NCAM2: variants seen among roughly 807,000 people sequenced by gnomAD.
NCAM2 encodes neural cell adhesion molecule 2, also known as N-CAM-2.
A neutral mutation model predicts 98.1 loss-of-function variants in NCAM2; 30 were observed. That is an observed-to-expected ratio of 0.31 (90% confidence interval 0.23 to 0.41). The LOEUF is 0.41. Among genes scored for constraint, NCAM2 ranks in the 10% least tolerant of loss-of-function variants. NCAM2 has a pLI of 1.00. For synonymous variants in NCAM2, 368 were observed against 342.4 expected (o/e 1.07, Z -0.83); for missense variants, 867 against 1,005.8 (o/e 0.86, Z 1.87).
At chr21:21,096,157 G>C (rs1390530270) in intron 1 of NCAM2, among the ~76,000 whole-genome samples, 3 of 151,624 alleles carry the variant, frequency 2.0e-5, no homozygotes, top group African/African-American at 7.2e-5. Flanking sequence ...ACATTCTTGT[G>C]AGCAAGGGTA....
chr21:21,179,222 C>T (rs1017243550), intron 1 of NCAM2, among the ~76,000 whole-genome samples: 3 of 151,676 alleles, frequency 2.0e-5, no homozygotes, highest in Non-Finnish European at 4.4e-5. Context: ...ATATCTTAAA[C>T]AAAGTAATAA....
chr21:21,088,530 A>G (rs1413096175), intron 1 of NCAM2, among the ~76,000 whole-genome samples: 1 of 152,216 alleles, frequency 6.6e-6, no homozygotes, highest in African/African-American at 2.4e-5. Context: ...TTCAAACCAC[A>G]TATAACAACC....
At position 21,417,389 on chromosome 21, in the gene NCAM2, C is replaced by T. The variant is rs568280056; in HGVS notation, c.1384-1084C>T. Among the ~76,000 whole-genome samples the T allele has an allele frequency of 1.3e-5, 2 of 152,116 alleles. 1 individual carries two copies. The highest frequency in any genetic ancestry group is 4.1e-4 in the South Asian group (2 of 4,832). On this transcript the variant is annotated intron_variant, in intron 10 of 17. Coordinates refer to ENST00000400546, the MANE Select transcript of NCAM2 (RefSeq NM_004540.5). ...TTCCTATGATCTGTTTCTAGATGGA[C>T]AGCTGACTAGAAAACGAATGACACA...
chr21:21,216,994 C>T (rs1215662538), intron 1 of NCAM2, among the ~76,000 whole-genome samples: 1 of 152,152 alleles, frequency 6.6e-6, no homozygotes, highest in Non-Finnish European at 1.5e-5. Flanking sequence ...CAATCATAAA[C>T]TCCCCAAAGA....
At chr21:21,089,362 A>C (rs2146440277) in intron 1 of NCAM2, among the ~76,000 whole-genome samples, 1 of 152,284 alleles carries the variant, frequency 6.6e-6, no homozygotes, top group African/African-American at 2.4e-5. Flanking sequence ...ATTTTGGCCC[A>C]AAACCTATGA....
At chr21:21,503,908 A>G (rs1023241097) in intron 15 of NCAM2, among the ~76,000 whole-genome samples, 1 of 151,842 alleles carries the variant, frequency 6.6e-6, no homozygotes, top group Admixed American at 6.6e-5. Flanking sequence ...CATTTTTCAT[A>G]ACAGCAATAC....
chr21:21,476,314 G>A (rs1985160569), intron 14 of NCAM2, among the ~76,000 whole-genome samples: 1 of 152,056 alleles, frequency 6.6e-6, no homozygotes, highest in Non-Finnish European at 1.5e-5. Context: ...TATGGAAACA[G>A]TTATATCCTA....
chr21:21,172,541 A>G (rs561721802), intron 1 of NCAM2, among the ~76,000 whole-genome samples: 124 of 152,276 alleles, frequency 8.1e-4, no homozygotes, highest in African/African-American at 2.9e-3. Context: ...AGTTTTAGTC[A>G]TATATAACTA....
intron 1 of NCAM2, among the ~76,000 whole-genome samples, chr21:21,047,060 AG>A (rs1191192961): frequency 1.3e-5 from 1 of 77,018 alleles, no homozygotes; most frequent in Non-Finnish European, 2.5e-5. Flanking sequence ...CTTTTTTTTG[AG>A]AGGGGTGTGT....
intron 1 of NCAM2, among the ~76,000 whole-genome samples, chr21:21,129,853 C>T (rs763908969): frequency 6.6e-6 from 1 of 152,152 alleles, no homozygotes; most frequent in Non-Finnish European, 1.5e-5. Context: ...CGAGGATCTG[C>T]TTATGCAGCT....
chr21:21,195,782 C>A (rs2146989960), intron 1 of NCAM2, among the ~76,000 whole-genome samples: 1 of 152,252 alleles, frequency 6.6e-6, no homozygotes, highest in East Asian at 1.9e-4. Context: ...AATGCACACT[C>A]CAAAGTGTAA....
At chr21:21,242,514 C>T (rs2071101584) in intron 1 of NCAM2, among the ~76,000 whole-genome samples, 2 of 152,144 alleles carry the variant, frequency 1.3e-5, no homozygotes, top group South Asian at 2.1e-4. Flanking sequence ...TTCTATAACT[C>T]TGGTCATCTC....
rs558797357 is a variant in NCAM2, at chr21:21,391,831, A to G, written c.1195+17818A>G. ...TTAGGTACAAGTTATTTTTATGATA[A>G]TCCTCTTTGTTTAAATGATCTTTGA... On this transcript the variant is annotated intron_variant, in intron 9 of 17. Coordinates refer to ENST00000400546, the MANE Select transcript of NCAM2 (RefSeq NM_004540.5). Among the ~76,000 whole-genome samples, 60 of 152,248 alleles carry G rather than the reference A, an allele frequency of 3.9e-4. No homozygotes were observed. The South Asian group carries it at 0.012, about 32-fold the overall frequency.
chr21:21,185,897 A>G (rs913012739), intron 1 of NCAM2, among the ~76,000 whole-genome samples: 2 of 152,218 alleles, frequency 1.3e-5, no homozygotes, highest in Non-Finnish European at 2.9e-5. Flanking sequence ...CCATTAATAT[A>G]CAATAAAAAT....
intron 9 of NCAM2, among the ~76,000 whole-genome samples, chr21:21,377,876 A>G (rs907474782): frequency 6.6e-6 from 1 of 151,534 alleles, no homozygotes; most frequent in Non-Finnish European, 1.5e-5. Context: ...ACATCATTTT[A>G]CTCTGTTTCT....
chr21:21,323,252 G>GTAA (rs2074424127), intron 5 of NCAM2, among the ~76,000 whole-genome samples: 2 of 152,090 alleles, frequency 1.3e-5, no homozygotes, highest in African/African-American at 2.4e-5. Context: ...TCTATCTTTT[G>GTAA]TAATACTAGT....
At chr21:21,147,119 A>ACTCCGGAACTC (rs2067302182) in intron 1 of NCAM2, 1 of 980,470 alleles carries the variant, frequency 1.0e-6, no homozygotes, top group African/African-American at 1.8e-5. Context: ...TTTGCCTTCT[A>ACTCCGGAACTC]AGCCAGCACT....
intron 5 of NCAM2, among the ~76,000 whole-genome samples, chr21:21,311,046 C>T (rs1231949588): frequency 6.6e-6 from 1 of 152,156 alleles, no homozygotes; most frequent in Admixed American, 6.5e-5. Context: ...TGTTCTTTTA[C>T]AAAAGGTTCT....
At chr21:21,122,602 A>G (rs2066698379) in intron 1 of NCAM2, among the ~76,000 whole-genome samples, 1 of 152,194 alleles carries the variant, frequency 6.6e-6, no homozygotes, top group African/African-American at 2.4e-5. Context: ...TTGCTCAGCC[A>G]TCTCCAGTTA....
Sources: allele counts gnomAD v4.1 joint callset (sites outside exome capture counted in the v4.1 genomes callset), GRCh38; gene constraint gnomAD v4.1.1; transcripts MANE v1.5; gene names NCBI Gene and HGNC (gene_info 2026-07-23, HGNC 2026-07-21).